Variants in SEMA6B observed in about 807,000 individuals in gnomAD.
SEMA6B encodes the protein semaphorin 6B.
SEMA6B carries 47 observed loss-of-function variants against 78.6 expected under a neutral mutation model. That is an observed-to-expected ratio of 0.60 (90% confidence interval 0.47 to 0.76). The LOEUF is 0.76. SEMA6B is among the 30% of genes least tolerant of loss of function. The pLI, the probability that SEMA6B is intolerant of heterozygous loss-of-function variation, is 0.00. For synonymous variants in SEMA6B, 632 were observed against 592.2 expected, an observed-to-expected ratio of 1.07 and a Z score of -0.98; for missense variants, 1,213 against 1,269.9, an observed-to-expected ratio of 0.96 and a Z score of 0.68.
Position 4,543,684 on chromosome 19 carries a change from C to G in SEMA6B, c.2584G>C (p.Gly862Arg), listed in dbSNP as rs1479886579. Residue 862 changes from glycine to arginine, a missense_variant, in exon 17 of 17, where the codon GGC (glycine) becomes CGC (arginine). Transcript: ENST00000586582. ...GEARPGDRHR[G>R]CHARPGTDLA... ...TCTGTGCCCGGCCGGGCGTGGCAGC[C>G]GCGGTGGCGGTCCCCAGGCCGGGCC... 6 of 1,230,346 alleles carry G rather than the reference C, an allele frequency of 4.9e-6. No individual in the cohort carries two copies. The East Asian group carries it at 9.5e-5, about 19-fold the overall frequency. The allele number at this position is 1,230,346 out of a possible 1,614,324, so 76.2% of individuals were successfully genotyped here.
chr19:4,548,228 G>T, intron 13 of SEMA6B, 35 bp downstream of exon 13: 1 of 1,592,142 alleles, frequency 6.3e-7, no homozygotes, highest in South Asian at 1.1e-5. Flanking sequence ...CTCCCCTCCT[G>T]CTGGCGACCC....
At position 4,542,790 on chromosome 19, in the gene SEMA6B, G is replaced by GC. The variant is rs1568250537; in HGVS notation, c.*810dup. On this transcript the variant is annotated 3_prime_UTR_variant, in exon 17 of 17. Transcript: ENST00000586582. ...CAGAGGGGCCCCACCCACCTTCGCC[G>GC]CCCCCCAGGCCCCCAAGCCCTTTAG... The GC allele has an allele frequency of 1.5e-6, 1 of 687,292 alleles. No homozygotes were observed. Among genetic ancestry groups the GC allele is most frequent in the Non-Finnish European group, 2.7e-6 (1 of 376,598 alleles). 42.6% of individuals were successfully genotyped at this position (687,292 alleles called of 1,614,324 possible).
At position 4,554,957 on chromosome 19, in the gene SEMA6B, C is replaced by T; in HGVS notation, c.682+19G>A. 6.2e-7 allele frequency: 1 copy of T among 1,611,814 alleles called. No individual in the cohort carries two copies. The highest frequency in any genetic ancestry group is 8.5e-7 in the Non-Finnish European group (1 of 1,178,426). The stretch of plus-strand genomic sequence containing the variant: ...CTGGGCCCTGCCAGGTCTGGGCCCA[C>T]TGCCCTTCCTGGTCTCACCTTTGAA... On this transcript the variant is annotated intron_variant, in intron 8 of 16. Coordinates refer to ENST00000586582, the MANE Select transcript of SEMA6B (RefSeq NM_032108.4).
Position 4,544,390 on chromosome 19 carries a change from C to T in SEMA6B, c.1878G>A (p.Glu626=). 5.0e-6 allele frequency: 8 copies of T among 1,598,822 alleles called. No individual in the cohort carries two copies. The highest frequency in any genetic ancestry group is 6.8e-6 in the Non-Finnish European group (8 of 1,174,320). The change falls in exon 17 of 17, where the codon GAG becomes GAA. Residue 626 remains glutamate, a synonymous_variant. Coordinates refer to ENST00000586582, the MANE Select transcript of SEMA6B (RefSeq NM_032108.4). The surrounding 1 kb of genome is among the most constrained non-coding windows in gnomAD (Gnocchi z 5.1). ...CCTTGCGCCGGGCCAGCTCCCGCCG[C>T]TCACGGAGGCCCACGAACCAGCCCA... is the stretch of plus-strand genomic sequence containing the variant. ...FSVGWFVGLR[E]RRELARRKDK...
chr19:4,557,369 C>A, intron 3 of SEMA6B, 146 bp from the exon 4 acceptor site: 1 of 621,600 alleles, frequency 1.6e-6, no homozygotes, highest in South Asian at 2.0e-5. Context: ...GCCGACCACA[C>A]CCCCCCAAGG....
intron 14 of SEMA6B, among the ~76,000 whole-genome samples, chr19:4,547,023 G>C (rs549355380): frequency 6.6e-6 from 1 of 151,748 alleles, no homozygotes; most frequent in East Asian, 1.9e-4. Context: ...ACAGTGTCAT[G>C]ATCATAGTTC....
Position 4,550,616 on chromosome 19 carries a change from C to A in SEMA6B, c.1121+183G>T, listed in dbSNP as rs4361052. Among the ~76,000 whole-genome samples the A allele has an allele frequency of 0.41, 62,899 of 151,920 alleles. 13,278 individuals are homozygous for A. Among genetic ancestry groups the A allele is most frequent in the East Asian group, 0.5 (2,567 of 5,152 alleles). Reference sequence around the variant, plus strand: ...CGACCTCAGGTGATCTGCCCACCTCCGCCTCCCAAAGGGCTAGGATTACAG... The same window carrying A: ...CGACCTCAGGTGATCTGCCCACCTCAGCCTCCCAAAGGGCTAGGATTACAG... On this transcript the variant is annotated intron_variant, in intron 11 of 16. Transcript: ENST00000586582. The surrounding 1 kb of genome is among the most constrained non-coding windows in gnomAD (Gnocchi z 6.6).
rs771617164 is a variant in SEMA6B, at chr19:4,546,307, C to A, written c.1680-33G>T. 1.2e-5 allele frequency: 19 copies of A among 1,610,820 alleles called. 1 individual carries two copies. The South Asian group carries it at 1.9e-4, about 16-fold the overall frequency. ...GGAGAGGAGGCACCGTCAGCAGAGGCCCCTCTCACAGTCAGAGATCAGGGG... is the reference window on the plus strand; with the variant it reads ...GGAGAGGAGGCACCGTCAGCAGAGGACCCTCTCACAGTCAGAGATCAGGGG... On this transcript the variant is annotated intron_variant, in intron 15 of 16. Transcript: ENST00000586582.
chr19:4,555,488 A>T lies in SEMA6B; in HGVS notation c.548T>A (p.Val183Asp). The T allele has an allele frequency of 6.2e-7, 1 of 1,613,066 alleles. No homozygotes were observed. Among genetic ancestry groups the T allele is most frequent in the Non-Finnish European group, 8.5e-7 (1 of 1,179,588 alleles). ...RCPYDPKHAN[V>D]ALFSDGMLFT... Reference sequence around the variant, plus strand: ...GGGGTACTTACCAGAGAAGAGGGCAACATTGGCGTGCTTGGGGTCGTACGG... The same window carrying T: ...GGGGTACTTACCAGAGAAGAGGGCATCATTGGCGTGCTTGGGGTCGTACGG... The change falls in exon 7 of 17, where the codon GTT becomes GAT. Residue 183 changes from valine to aspartate, a missense_variant. By Grantham distance (152) the Val-to-Asp change is radical (BLOSUM62 -3). Coordinates refer to ENST00000586582, the MANE Select transcript of SEMA6B (RefSeq NM_032108.4). The surrounding 1 kb of genome is among the most constrained non-coding windows in gnomAD (Gnocchi z 6.1).
chr19:4,543,724 C>A lies in SEMA6B; in HGVS notation c.2544G>T (p.Thr848=), dbSNP rs1266448876. The A allele has an allele frequency of 3.7e-5, 46 of 1,228,566 alleles. No individual in the cohort carries two copies. Among genetic ancestry groups the A allele is most frequent in the Non-Finnish European group, 4.6e-5 (45 of 985,994 alleles). 76.1% of individuals were successfully genotyped at this position (1,228,566 alleles called of 1,614,324 possible). ...CAGGCCGGGCCTCGCCGCTGTTGAA[C>A]GTGTGGGTGCGGCGCAGGGTGGCGG... is the stretch of plus-strand genomic sequence containing the variant. ...PPAATLRRTH[T]FNSGEARPGD... Residue 848 remains threonine, a synonymous_variant, in exon 17 of 17, where the codon ACG becomes ACT. Coordinates refer to ENST00000586582, the MANE Select transcript of SEMA6B (RefSeq NM_032108.4).
chr19:4,556,728 C>T (rs1043310981), intron 5 of SEMA6B, among the ~76,000 whole-genome samples: 1 of 149,382 alleles, frequency 6.7e-6, no homozygotes. Context: ...TGTGGCTAGG[C>T]TGGAGGCCGG....
chr19:4,543,027 C>A lies in SEMA6B; in HGVS notation c.*574G>T, dbSNP rs1264220364. On this transcript the variant is annotated 3_prime_UTR_variant, in exon 17 of 17. Coordinates refer to ENST00000586582, the MANE Select transcript of SEMA6B (RefSeq NM_032108.4). The stretch of plus-strand genomic sequence containing the variant: ...CACGATCGTCGCTCGTGGACACACA[C>A]CCTGCACGCGTGGCCCACTTGACAC... 1 of 683,276 alleles carries A rather than the reference C, an allele frequency of 1.5e-6. No homozygotes were observed. Among genetic ancestry groups the A allele is most frequent in the Non-Finnish European group, 2.7e-6 (1 of 372,978 alleles). The allele number at this position is 683,276 out of a possible 1,614,324, so 42.3% of individuals were successfully genotyped here.
chr19:4,548,233 C>T (rs10853972), intron 13 of SEMA6B, 30 bp downstream of exon 13: 3 of 1,590,984 alleles, frequency 1.9e-6, no homozygotes, highest in Admixed American at 1.7e-5. Context: ...CTCCTGCTGG[C>T]GACCCCTTCC....
rs1977448814 is a variant in SEMA6B, at chr19:4,555,644, G to C, written c.472-80C>G. ...CTGGCTCCCTCAGCCCCCCACTCCA[G>C]GGGGAATCCTGATCCACCACGGATT... On this transcript the variant is annotated intron_variant, in intron 6 of 16. Transcript: ENST00000586582. This position sits in a 1 kb window ranked among gnomAD's most constrained non-coding sequence, Gnocchi z 6.1. 2 of 1,147,238 alleles carry C rather than the reference G, an allele frequency of 1.7e-6. No individual in the cohort carries two copies. Among genetic ancestry groups the C allele is most frequent in the East Asian group, 2.5e-5 (1 of 40,414 alleles). The allele number at this position is 1,147,238 out of a possible 1,614,324, so 71.1% of individuals were successfully genotyped here.
At chr19:4,551,960 C>T (rs960456239) in intron 10 of SEMA6B, among the ~76,000 whole-genome samples, 2 of 152,188 alleles carry the variant, frequency 1.3e-5, no homozygotes, top group African/African-American at 4.8e-5. Flanking sequence ...GCCTGCAGCC[C>T]ACAAAGCCTT....
intron 3 of SEMA6B, 129 bp from the exon 4 acceptor site, chr19:4,557,352 C>T: frequency 1.5e-6 from 1 of 663,488 alleles, no homozygotes; most frequent in Non-Finnish European, 2.6e-6. Context: ...ACACGAGCAA[C>T]TCTAGCGCCG....
chr19:4,556,276 C>T (rs1419742866), intron 5 of SEMA6B, among the ~76,000 whole-genome samples, 187 bp from the exon 6 acceptor site: 1 of 152,000 alleles, frequency 6.6e-6, no homozygotes, highest in Non-Finnish European at 1.5e-5. Context: ...GTATCAGCAA[C>T]GCAGGCAAGG....
At position 4,550,656 on chromosome 19, in the gene SEMA6B, A is replaced by C. The variant is rs148488985; in HGVS notation, c.1121+143T>G. On this transcript the variant is annotated intron_variant, in intron 11 of 16. Coordinates refer to ENST00000586582, the MANE Select transcript of SEMA6B (RefSeq NM_032108.4). The surrounding 1 kb of genome is among the most constrained non-coding windows in gnomAD (Gnocchi z 6.6). The stretch of plus-strand genomic sequence containing the variant: ...TAGGATTACAGGCGTGAGCCACCAC[A>C]CCAGGCCTCAGTTTTTCCCAACTGT... The C allele has an allele frequency of 2.0e-3, 2,037 of 1,042,558 alleles. 34 individuals carry two copies. The African/African-American group carries it at 0.029, about 15-fold the overall frequency. The allele number at this position is 1,042,558 out of a possible 1,614,324, so 64.6% of individuals were successfully genotyped here.
Position 4,544,339 on chromosome 19 carries a change from C to G in SEMA6B, c.1929G>C (p.Gly643=). Reference sequence around the variant, plus strand: ...TGACGCTCAGCACCGCCTCGCCCGCCCCGTGCGCCAGGATGGCCTCCTTGT... The same window carrying G: ...TGACGCTCAGCACCGCCTCGCCCGCGCCGTGCGCCAGGATGGCCTCCTTGT... The part of the protein sequence containing the change: ...RKDKEAILAH[G]AGEAVLSVSR... The change falls in exon 17 of 17, where the codon GGG becomes GGC. Residue 643 remains glycine (G), a synonymous_variant. Coordinates refer to ENST00000586582, the MANE Select transcript of SEMA6B (RefSeq NM_032108.4). This position sits in a 1 kb window ranked among gnomAD's most constrained non-coding sequence, Gnocchi z 5.1. 2 of 1,536,296 alleles carry G rather than the reference C, an allele frequency of 1.3e-6. No homozygotes were observed. Among genetic ancestry groups the G allele is most frequent in the Non-Finnish European group, 1.7e-6 (2 of 1,145,994 alleles).
Sources: gnomAD v4.1 joint callset for allele counts (sites outside exome capture counted in the v4.1 genomes callset) on GRCh38, gnomAD v4.1.1 for gene constraint, Gnocchi (gnomAD v3.1) non-coding constraint, MANE v1.5 for transcripts, NCBI Gene and HGNC (gene_info 2026-07-23, HGNC 2026-07-21) for gene names.